The following TENM3 variants were observed in gnomAD, a reference collection of about 807,000 sequenced individuals.
The protein encoded by TENM3 is teneurin-3.
TENM3 carries 63 observed loss-of-function variants against 255.1 expected under a neutral mutation model. The observed-to-expected ratio is 0.25, with a 90% confidence interval of 0.20 to 0.30. The LOEUF is 0.30. Among genes scored for constraint, TENM3 ranks in the 10% least tolerant of loss-of-function variants. The probability of loss-of-function intolerance (pLI) is 1.00; values close to 1 mark genes in which losing one functional copy is unlikely to be tolerated. For synonymous variants in TENM3, 1,306 were observed against 1,322.3 expected (o/e 0.99, Z 0.27); for missense variants, 2,929 against 3,461.1 (o/e 0.85, Z 3.86).
chr4:181,659,604 A>G, the TENM3 span, among the ~76,000 whole-genome samples: 2 of 152,214 alleles, frequency 1.3e-5, no homozygotes, highest in African/African-American at 4.8e-5. Flanking sequence ...AAGAAGGTAA[A>G]AGGTAAATCT....
At chr4:181,457,808 A>G in the TENM3 span, among the ~76,000 whole-genome samples, 1 of 151,934 alleles carries the variant, frequency 6.6e-6, no homozygotes, top group Non-Finnish European at 1.5e-5. Flanking sequence ...TTCAGATTAT[A>G]TAATCAGATG....
At chr4:181,514,478 A>T in the TENM3 span, among the ~76,000 whole-genome samples, 1 of 152,230 alleles carries the variant, frequency 6.6e-6, no homozygotes, top group African/African-American at 2.4e-5. Context: ...GTAGCAGATA[A>T]TTACATTTTT....
the TENM3 span, among the ~76,000 whole-genome samples, chr4:181,634,763 C>T: frequency 6.6e-6 from 1 of 152,142 alleles, no homozygotes; most frequent in Non-Finnish European, 1.5e-5. Context: ...AGAATCTGCT[C>T]TGATTTTCAC....
chr4:181,975,786 A>T, the TENM3 span: 2 of 152,234 alleles, frequency 1.3e-5, no homozygotes, highest in African/African-American at 4.8e-5. Flanking sequence ...AAAAGACTGC[A>T]TATGGAATGT....
At chr4:181,791,202 C>T in the TENM3 span, among the ~76,000 whole-genome samples, 2,141 of 152,222 alleles carry the variant, frequency 0.014, 58 homozygotes, top group African/African-American at 0.049. Flanking sequence ...CGGAGAAACA[C>T]GGGCCGTGCA....
At chr4:181,640,320 C>T in the TENM3 span, among the ~76,000 whole-genome samples, 1 of 152,166 alleles carries the variant, frequency 6.6e-6, no homozygotes, top group Non-Finnish European at 1.5e-5. Context: ...TGGATCATGG[C>T]ACATCCTAAC....
At chr4:182,223,014 T>G (rs1032898113) in intron 1 of TENM3, among the ~76,000 whole-genome samples, 9 of 152,176 alleles carry the variant, frequency 5.9e-5, no homozygotes. Flanking sequence ...TTGGTCTTGG[T>G]CTGCACAAAT....
the TENM3 span, among the ~76,000 whole-genome samples, chr4:181,612,480 T>C: frequency 7.1e-6 from 1 of 140,920 alleles, no homozygotes; most frequent in Non-Finnish European, 1.6e-5. Flanking sequence ...CAAATGATTC[T>C]TTGGTTAAGA....
Position 182,483,886 on chromosome 4 carries a change from C to T in TENM3, c.512-117038C>T, listed in dbSNP as rs527440250. Among the ~76,000 whole-genome samples, 9 of 152,036 alleles carry T rather than the reference C, an allele frequency of 5.9e-5. No individual in the cohort carries two copies. The East Asian group carries it at 1.4e-3, about 23-fold the overall frequency. The stretch of plus-strand genomic sequence containing the variant: ...GCTACCCATTCTTAACCAGATCTCG[C>T]GAGAACTCACTCACTATCACAAGAA... On this transcript the variant is annotated intron_variant, in intron 3 of 27. Coordinates refer to ENST00000511685, the MANE Select transcript of TENM3 (RefSeq NM_001080477.4).
the TENM3 span, among the ~76,000 whole-genome samples, chr4:181,632,671 A>G: frequency 6.0e-4 from 91 of 152,306 alleles, no homozygotes; most frequent in Middle Eastern, 3.4e-3. Flanking sequence ...TGAATCACAC[A>G]TGATCCCCAT....
chr4:182,187,337 A>T (rs947953449), intron 1 of TENM3, among the ~76,000 whole-genome samples: 4 of 152,230 alleles, frequency 2.6e-5, no homozygotes, highest in African/African-American at 9.6e-5. Flanking sequence ...TAAATTTATT[A>T]AGACCAGATG....
At chr4:182,606,679 T>C (rs895884584) in intron 4 of TENM3, among the ~76,000 whole-genome samples, 3 of 152,160 alleles carry the variant, frequency 2.0e-5, no homozygotes, top group Non-Finnish European at 4.4e-5. Context: ...CTAGGAAAGT[T>C]TGAGATAAAG....
the TENM3 span, among the ~76,000 whole-genome samples, chr4:181,680,100 T>A: frequency 6.6e-6 from 1 of 152,098 alleles, no homozygotes; most frequent in Non-Finnish European, 1.5e-5. Context: ...TGTAAACATT[T>A]TATTTTGTAT....
intron 1 of TENM3, among the ~76,000 whole-genome samples, chr4:182,267,332 T>A (rs558461677): frequency 6.6e-6 from 1 of 152,200 alleles, no homozygotes; most frequent in African/African-American, 2.4e-5. Flanking sequence ...ATATAATTAT[T>A]TGCATAGGTA....
chr4:182,240,143 C>T (rs1757150291), upstream of TENM3, among the ~76,000 whole-genome samples: 1 of 152,152 alleles, frequency 6.6e-6, no homozygotes, highest in Non-Finnish European at 1.5e-5. Context: ...TAATTAAACT[C>T]ATGATTTATG....
chr4:182,144,880 G>C (rs1749819814), intron 1 of TENM3: 3 of 151,340 alleles, frequency 2.0e-5, no homozygotes, highest in African/African-American at 7.3e-5. Flanking sequence ...GCGGACGCGG[G>C]GACATCTTCT....
At chr4:182,641,258 C>G (rs1752282116) in intron 5 of TENM3, among the ~76,000 whole-genome samples, 1 of 152,184 alleles carries the variant, frequency 6.6e-6, no homozygotes, top group South Asian at 2.1e-4. Context: ...AATGTAACGC[C>G]TTGGAGAACT....
At chr4:181,607,580 GT>G in the TENM3 span, among the ~76,000 whole-genome samples, 1 of 151,520 alleles carries the variant, frequency 6.6e-6, no homozygotes, top group Non-Finnish European at 1.5e-5. Context: ...ATTTTTTTGT[GT>G]TTTAGTAGAG....
the TENM3 span, among the ~76,000 whole-genome samples, chr4:181,617,911 G>A: frequency 4.6e-5 from 7 of 152,142 alleles, no homozygotes; most frequent in African/African-American, 1.7e-4. Flanking sequence ...GAGAAACAAG[G>A]ATTGCATGTT....
Sources: gnomAD v4.1 joint callset for allele counts (sites outside exome capture counted in the v4.1 genomes callset) on GRCh38, gnomAD v4.1.1 for gene constraint, MANE v1.5 for transcripts, NCBI Gene and HGNC (gene_info 2026-07-23, HGNC 2026-07-21) for gene names.